SEC22C: variants seen among roughly 807,000 people sequenced by gnomAD.
SEC22C encodes the protein SEC22 homolog C, vesicle trafficking protein, also known as vesicle-trafficking protein SEC22c.
Under a neutral mutation model 34.7 loss-of-function variants are expected in SEC22C, and 29 were observed. The observed-to-expected ratio is 0.84, with a 90% confidence interval of 0.62 to 1.14. The LOEUF (loss-of-function observed/expected upper bound fraction) is 1.14. Ranked by LOEUF, SEC22C falls within the 50% of genes most tolerant of loss-of-function variation. SEC22C has a pLI of 0.00. For synonymous variants in SEC22C, 117 were observed against 132.8 expected, an observed-to-expected ratio of 0.88 and a Z score of 0.82; for missense variants, 337 against 369.0, an observed-to-expected ratio of 0.91 and a Z score of 0.71.
At chr3:42,572,593 C>T (rs1378923900) in intron 1 of SEC22C, among the ~76,000 whole-genome samples, 1 of 152,196 alleles carries the variant, frequency 6.6e-6, no homozygotes. Flanking sequence ...TTAACAGAGG[C>T]CACGTAGGGA....
chr3:42,550,755 C>G lies in SEC22C; in HGVS notation c.*2493G>C. 4.1e-6 allele frequency: 4 copies of G among 985,104 alleles called. No individual in the cohort carries two copies. Among genetic ancestry groups the G allele is most frequent in the Non-Finnish European group, 4.8e-6 (4 of 829,916 alleles). 61.0% of individuals were successfully genotyped at this position (985,104 alleles called of 1,614,324 possible). ...TCAAGGACCGTTTCTTTACTGCCTG[C>G]TGAATATGGATCATAGGCTCAGATG... is the stretch of plus-strand genomic sequence containing the variant. On this transcript the variant is annotated 3_prime_UTR_variant, in exon 7 of 7. Coordinates refer to ENST00000264454, the MANE Select transcript of SEC22C (RefSeq NM_032970.4).
chr3:42,559,140 C>T (rs1702724737), intron 4 of SEC22C, among the ~76,000 whole-genome samples: 1 of 152,234 alleles, frequency 6.6e-6, no homozygotes, highest in African/African-American at 2.4e-5. Flanking sequence ...TGGTGTCCCT[C>T]CCATTCTCTC....
Position 42,549,839 on chromosome 3 carries a change from C to T in SEC22C, c.*3409G>A, listed in dbSNP as rs919566467. 1.0e-5 allele frequency: 10 copies of T among 985,292 alleles called. No individual in the cohort carries two copies. In the Admixed American group the frequency reaches 6.2e-4, roughly 61 times the overall value. 61.0% of individuals were successfully genotyped at this position (985,292 alleles called of 1,614,324 possible). A position where few individuals can be genotyped will look rare whatever the true frequency, so the allele number is the denominator to read the frequency against. ...ATCAAAATGCTTAAATGTTTTAATT[C>T]CAGCATTCTCCAGAGTTCACAGAAA... On this transcript the variant is annotated 3_prime_UTR_variant, in exon 7 of 7. Coordinates refer to ENST00000264454, the MANE Select transcript of SEC22C (RefSeq NM_032970.4).
intron 1 of SEC22C, among the ~76,000 whole-genome samples, chr3:42,596,338 T>A (rs1705029732): frequency 6.6e-6 from 1 of 152,228 alleles, no homozygotes; most frequent in South Asian, 2.1e-4. Context: ...TTCTGTTTTC[T>A]AGAAAATTAT....
At chr3:42,596,083 G>A (rs755714610) in intron 1 of SEC22C, among the ~76,000 whole-genome samples, 2 of 151,658 alleles carry the variant, frequency 1.3e-5, no homozygotes, top group Non-Finnish European at 2.9e-5. Flanking sequence ...GTGCAGTGGT[G>A]CAATTTTGGC....
intron 1 of SEC22C, chr3:42,600,303 G>C (rs1705239754): frequency 6.6e-6 from 1 of 152,184 alleles, no homozygotes; most frequent in Non-Finnish European, 1.5e-5. Context: ...GCAACACAAC[G>C]TCTTGGCTAA....
chr3:42,563,821 A>G (rs753474091), intron 2 of SEC22C, 135 bp from the exon 3 acceptor site: 77 of 1,536,442 alleles, frequency 5.0e-5, no homozygotes, highest in Non-Finnish European at 6.7e-5. Context: ...CTGCAGGTAT[A>G]TTGTCTCTTC....
At chr3:42,589,049 G>A (rs1190936755) in intron 1 of SEC22C, among the ~76,000 whole-genome samples, 1 of 151,972 alleles carries the variant, frequency 6.6e-6, no homozygotes, top group Non-Finnish European at 1.5e-5. Context: ...CGGATCACGA[G>A]GTCAGGAGTT....
chr3:42,557,787 G>C (rs747930092), intron 4 of SEC22C, 91 bp from the exon 5 acceptor site: 3 of 633,658 alleles, frequency 4.7e-6, no homozygotes, highest in Non-Finnish European at 5.8e-6. Context: ...CTACACTAAT[G>C]ATAGGTTCAC....
rs775727411 is a variant in SEC22C, at chr3:42,594,390, C to G, written c.-28+6570G>C. 9.6e-6 allele frequency: 15 copies of G among 1,562,284 alleles called. No individual in the cohort carries two copies. The East Asian group carries it at 1.4e-4, about 14-fold the overall frequency. ...TTTGTTCATGGTCGGTAAAAACAAG[C>G]CTCTGATTTTTGCCTGTTTTTTTGC... is the stretch of plus-strand genomic sequence containing the variant. On this transcript the variant is annotated intron_variant, in intron 1 of 6. Transcript: ENST00000417572.
In SEC22C at chr3:42,549,687, C is replaced by A; in HGVS notation, c.*3561G>T. 1 of 985,518 alleles carries A rather than the reference C, an allele frequency of 1.0e-6. No individual in the cohort carries two copies. Among genetic ancestry groups the A allele is most frequent in the African/African-American group, 1.7e-5 (1 of 57,368 alleles). 61.0% of individuals were successfully genotyped at this position (985,518 alleles called of 1,614,324 possible). ...TTACAATTAAAGATGGTTTTCTCATCCCTCCAGAGACTCCAGTTTCAGACT... is the reference window on the plus strand; with the variant it reads ...TTACAATTAAAGATGGTTTTCTCATACCTCCAGAGACTCCAGTTTCAGACT... On this transcript the variant is annotated 3_prime_UTR_variant, in exon 7 of 7. Transcript: ENST00000264454.
At chr3:42,555,734 A>C (rs1005285695) in intron 6 of SEC22C, among the ~76,000 whole-genome samples, 196 bp downstream of exon 6, 2 of 152,192 alleles carry the variant, frequency 1.3e-5, no homozygotes, top group East Asian at 3.8e-4. Context: ...TATGAGCACA[A>C]AGTTCTTCCT....
At chr3:42,591,980 G>A (rs1253670075) in intron 1 of SEC22C, among the ~76,000 whole-genome samples, 1 of 152,106 alleles carries the variant, frequency 6.6e-6, no homozygotes, top group Non-Finnish European at 1.5e-5. Flanking sequence ...TTAAGTGAAG[G>A]GGTCAGGCCA....
intron 1 of SEC22C, chr3:42,573,661 C>G (rs1703781023): frequency 6.6e-6 from 1 of 152,068 alleles, no homozygotes; most frequent in South Asian, 2.1e-4. Flanking sequence ...TAATGAGACC[C>G]CCATCTGTAT....
At chr3:42,574,311 T>C (rs1410784644) in intron 1 of SEC22C, among the ~76,000 whole-genome samples, 1 of 148,830 alleles carries the variant, frequency 6.7e-6, no homozygotes, top group Non-Finnish European at 1.5e-5. Flanking sequence ...GCTATACTGC[T>C]TGAGCCCCAG....
intron 1 of SEC22C, chr3:42,600,897 C>G (rs1229025345): frequency 6.3e-6 from 5 of 792,504 alleles, no homozygotes; most frequent in Non-Finnish European, 9.0e-6. Flanking sequence ...CACCGTGGCG[C>G]GGACTTCGTC....
At chr3:42,563,864 C>T (rs774463220) in intron 2 of SEC22C, 178 bp from the exon 3 acceptor site, 73 of 1,493,940 alleles carry the variant, frequency 4.9e-5, no homozygotes, top group Admixed American at 6.1e-5. Context: ...GTCTTTCTTC[C>T]GCTTCCTTTA....
chr3:42,556,232 G>A (rs1702520436), intron 5 of SEC22C, among the ~76,000 whole-genome samples: 1 of 152,168 alleles, frequency 6.6e-6, no homozygotes, highest in Non-Finnish European at 1.5e-5. Context: ...TCTGCAACCT[G>A]GAATGGGCCG....
At chr3:42,578,509 A>G (rs1704109919) in intron 1 of SEC22C, among the ~76,000 whole-genome samples, 1 of 150,974 alleles carries the variant, frequency 6.6e-6, no homozygotes, top group South Asian at 2.1e-4. Flanking sequence ...TGATGATTAC[A>G]GGAATCTACA....
Sources: allele counts gnomAD v4.1 joint callset (sites outside exome capture counted in the v4.1 genomes callset), GRCh38; gene constraint gnomAD v4.1.1; transcripts MANE v1.5; gene names NCBI Gene and HGNC (gene_info 2026-07-23, HGNC 2026-07-21).